Variants in ST6GALNAC1 observed in about 807,000 individuals in gnomAD.
The protein encoded by ST6GALNAC1 is alpha-N-acetylgalactosaminide alpha-2,6-sialyltransferase 1.
Under a neutral mutation model 56.8 loss-of-function variants are expected in ST6GALNAC1, and 45 were observed. The ratio of observed to expected loss-of-function variants is 0.79; its 90% CI spans 0.62 to 1.02. The LOEUF (loss-of-function observed/expected upper bound fraction) is 1.02. Ranked by LOEUF, ST6GALNAC1 falls within the 50% of genes least tolerant of loss-of-function variation. ST6GALNAC1 has a pLI of 0.00. For synonymous variants in ST6GALNAC1, 295 were observed against 297.8 expected (o/e 0.99, Z 0.10); for missense variants, 743 against 754.8 (o/e 0.98, Z 0.18).
rs11312067 is a variant in ST6GALNAC1, at chr17:76,628,096, CAAAAAA to C, written c.832-519_832-514del. Reference sequence around the variant, plus strand: ...TGGGCGACAGAGCGAGAGTCCATCTCAAAAAAAAAAAAAAAAAAAAATGCAAATGCA... The same window carrying C: ...TGGGCGACAGAGCGAGAGTCCATCTCAAAAAAAAAAAAAAATGCAAATGCA... On this transcript the variant is annotated intron_variant, in intron 2 of 8. Transcript: ENST00000156626. 3.2e-3 allele frequency among the ~76,000 whole-genome samples: 224 copies of C among 69,778 alleles called. 5 individuals are homozygous for C. In the South Asian group the frequency reaches 0.097, roughly 30 times the overall value. The allele number at this position is 69,778 out of a possible 152,430, so 45.8% of individuals were successfully genotyped here.
chr17:76,629,157 T>C lies in ST6GALNAC1; in HGVS notation c.686A>G (p.Lys229Arg), dbSNP rs768976384. 3 of 1,614,040 alleles carry C rather than the reference T, an allele frequency of 1.9e-6. No individual in the cohort carries two copies. Among genetic ancestry groups the C allele is most frequent in the Non-Finnish European group, 2.5e-6 (3 of 1,180,022 alleles). ...VTTAVIPPKE[K>R]KPQATPPPAP... ...AGGGGGTGGGGTGGCCTGAGGTTTC[T>C]TCTCCTTAGGTGGGATGACTGCTGT... Residue 229 changes from lysine (K) to arginine (R), a missense_variant, in exon 2 of 9, where the codon AAG becomes AGG. Transcript: ENST00000156626.
Position 76,629,049 on chromosome 17 carries a change from T to C in ST6GALNAC1, c.794A>G (p.Glu265Gly), listed in dbSNP as rs1184966868. 6.5e-7 allele frequency: 1 copy of C among 1,546,878 alleles called. No individual in the cohort carries two copies. The highest frequency in any genetic ancestry group is 2.3e-5 in the East Asian group (1 of 44,252). ...NFKSEPRWDFEEKYSFEIGGL... is the reference protein window; with the variant it reads ...NFKSEPRWDFGEKYSFEIGGL... ...TCCTATTTCGAAGCTGTATTTTTCCTCAAAATCCCACCGAGGCTCAGATTT... is the reference window on the plus strand; with the variant it reads ...TCCTATTTCGAAGCTGTATTTTTCCCCAAAATCCCACCGAGGCTCAGATTT... The change falls in exon 2 of 9, where the codon GAG becomes GGG. Residue 265 changes from glutamate (E) to glycine (G), a missense_variant. Physicochemically the swap from Glu to Gly is moderately conservative, Grantham distance 98. Transcript: ENST00000156626.
At chr17:76,631,369 T>C (rs1180867640) in intron 1 of ST6GALNAC1, among the ~76,000 whole-genome samples, 1 of 152,118 alleles carries the variant, frequency 6.6e-6, no homozygotes, top group Admixed American at 6.5e-5. Context: ...CAGGACAGGG[T>C]TGGACTGAGA....
At chr17:76,633,851 G>A (rs866228417) in intron 1 of ST6GALNAC1, 6 of 152,170 alleles carry the variant, frequency 3.9e-5, no homozygotes, top group African/African-American at 9.7e-5. Flanking sequence ...TTCAAAGTTC[G>A]TTTATGCCTG....
In ST6GALNAC1 at chr17:76,631,766, C is replaced by T. The variant is rs181328984; in HGVS notation, c.132-2055G>A. Among the ~76,000 whole-genome samples the T allele has an allele frequency of 2.5e-3, 374 of 152,266 alleles. 2 individuals carry two copies. Among genetic ancestry groups the T allele is most frequent in the Non-Finnish European group, 4.3e-3 (290 of 68,030 alleles). Reference sequence around the variant, plus strand: ...GGCCCCCTTGGGTCCTATCTCCATCCCTTTCCAGGGGTCTCGGTCACATAC... The same window carrying T: ...GGCCCCCTTGGGTCCTATCTCCATCTCTTTCCAGGGGTCTCGGTCACATAC... On this transcript the variant is annotated intron_variant, in intron 1 of 8. Transcript: ENST00000156626.
chr17:76,639,137 T>C (rs2076013831), intron 1 of ST6GALNAC1, among the ~76,000 whole-genome samples: 1 of 152,214 alleles, frequency 6.6e-6, no homozygotes, highest in Non-Finnish European at 1.5e-5. Flanking sequence ...TTAACTCCCT[T>C]ACTCTAAAGT....
Position 76,627,530 on chromosome 17 carries a change from T to C in ST6GALNAC1, c.885A>G (p.Lys295=). 1.2e-6 allele frequency: 2 copies of C among 1,613,734 alleles called. No individual in the cohort carries two copies. Among genetic ancestry groups the C allele is most frequent in the South Asian group, 1.1e-5 (1 of 91,062 alleles). Residue 295 remains lysine (K), a synonymous_variant, in exon 3 of 9, where the codon AAA becomes AAG. Coordinates refer to ENST00000156626, the MANE Select transcript of ST6GALNAC1 (RefSeq NM_018414.5). The surrounding 1 kb of genome is among the most constrained non-coding windows in gnomAD (Gnocchi z 4.4). ...IKASKSLWLQ[K]LFLPNLTLFL... ...AGAGAGTGAGGTTGGGCAGAAAGAGTTTCTGGAGCCACAGCGACTTGGAGG... is the reference window on the plus strand; with the variant it reads ...AGAGAGTGAGGTTGGGCAGAAAGAGCTTCTGGAGCCACAGCGACTTGGAGG...
intron 1 of ST6GALNAC1, among the ~76,000 whole-genome samples, chr17:76,632,277 A>T (rs573669294): frequency 1.1e-3 from 162 of 152,276 alleles, no homozygotes; most frequent in African/African-American, 3.6e-3. Context: ...ATTTTCATGG[A>T]TGTAGCTGCC....
At chr17:76,622,287 T>C (rs1222399003), downstream of ST6GALNAC1, among the ~76,000 whole-genome samples, 1 of 151,546 alleles carries the variant, frequency 6.6e-6, no homozygotes, top group Non-Finnish European at 1.5e-5. Flanking sequence ...ATCTGTGATA[T>C]ATGTGGCAAA....
intron 1 of ST6GALNAC1, chr17:76,633,451 G>C (rs62085070): frequency 0.32 from 48,088 of 152,098 alleles, 8,711 homozygotes; most frequent in East Asian, 0.58. Context: ...CGGAGGTTGC[G>C]GTGAACCGAG....
the ST6GALNAC1 span, among the ~76,000 whole-genome samples, chr17:76,619,745 T>C: frequency 1.9e-5 from 2 of 104,220 alleles, no homozygotes; most frequent in African/African-American, 6.3e-5. Flanking sequence ...TGTTAGTTTT[T>C]TTTTTTTTTT....
intron 4 of ST6GALNAC1, 105 bp from the exon 5 acceptor site, chr17:76,626,894 C>A: frequency 6.6e-7 from 1 of 1,519,872 alleles, no homozygotes; most frequent in Non-Finnish European, 9.0e-7. Context: ...CAGTTATGTG[C>A]GGAAATTCTC....
chr17:76,626,904 C>T, intron 4 of ST6GALNAC1, 115 bp from the exon 5 acceptor site: 1 of 1,502,422 alleles, frequency 6.7e-7, no homozygotes, highest in East Asian at 2.3e-5. Context: ...CGGAAATTCT[C>T]TCGAGAGCCC....
intron 1 of ST6GALNAC1, among the ~76,000 whole-genome samples, chr17:76,638,801 G>A (rs1474685984): frequency 6.6e-6 from 1 of 152,078 alleles, no homozygotes; most frequent in Admixed American, 6.5e-5. Context: ...GGCTGGTCTC[G>A]AACTCCTGAC....
chr17:76,626,827 A>G, intron 4 of ST6GALNAC1, 38 bp from the exon 5 acceptor site: 1 of 1,610,632 alleles, frequency 6.2e-7, no homozygotes, highest in Non-Finnish European at 8.5e-7. Flanking sequence ...ACAGGTGAGC[A>G]GAGGAGGGAG....
intron 1 of ST6GALNAC1, among the ~76,000 whole-genome samples, chr17:76,642,070 C>CTA (rs2076055618): frequency 6.6e-6 from 1 of 150,636 alleles, no homozygotes; most frequent in South Asian, 2.1e-4. Context: ...ATCTCTCATG[C>CTA]TACATATTGA....
At chr17:76,628,882 G>A in intron 2 of ST6GALNAC1, 130 bp downstream of exon 2, 1 of 827,162 alleles carries the variant, frequency 1.2e-6, no homozygotes, top group South Asian at 1.9e-5. Context: ...GCCTCATAAT[G>A]AGCTTGGGGC....
At chr17:76,624,215 ATTTATTTATTTATTTG>A (rs1265962156), downstream of ST6GALNAC1, among the ~76,000 whole-genome samples, 4 of 151,628 alleles carry the variant, frequency 2.6e-5, no homozygotes, top group Non-Finnish European at 5.9e-5. Flanking sequence ...CCTTTATTCT[ATTTATTTATTTATTTG>A]TTTATTTATT....
rs55706272 is a variant in ST6GALNAC1 at position 76,639,638 on chromosome 17, AACACACACACACACACACACACACAC to A, written c.131+3844_131+3869del. On this transcript the variant is annotated intron_variant, in intron 1 of 8. Transcript: ENST00000156626. ...CACAAATTCATATAATTACATGATA[AACACACACACACACACACACACACAC>A]ACACACACACACACACACACACACA... 4.1e-3 allele frequency among the ~76,000 whole-genome samples: 517 copies of A among 125,250 alleles called. 8 individuals are homozygous for A. Among genetic ancestry groups the A allele is most frequent in the South Asian group, 0.04 (133 of 3,362 alleles). 82.2% of individuals were successfully genotyped at this position (125,250 alleles called of 152,430 possible).
Sources: allele counts gnomAD v4.1 joint callset (sites outside exome capture counted in the v4.1 genomes callset), GRCh38; gene constraint gnomAD v4.1.1; non-coding constraint Gnocchi (gnomAD v3.1); transcripts MANE v1.5; gene names NCBI Gene and HGNC (gene_info 2026-07-23, HGNC 2026-07-21).